SLC25A21: variants seen among roughly 807,000 people sequenced by gnomAD.
SLC25A21 encodes the protein mitochondrial 2-oxodicarboxylate carrier.
A neutral mutation model predicts 43.8 loss-of-function variants in SLC25A21; 47 were observed. The ratio of observed to expected loss-of-function variants is 1.07; its 90% confidence interval spans 0.85 to 1.37. SLC25A21 has a LOEUF of 1.37. Among genes scored for constraint, SLC25A21 ranks in the 40% most tolerant of loss-of-function variants. The pLI, the probability that SLC25A21 is intolerant of heterozygous loss-of-function variation, is 0.00. For missense variants in SLC25A21, 352 were observed against 350.2 expected (o/e 1.00, Z -0.04); for synonymous variants, 131 against 121.3 (o/e 1.08, Z -0.52).
In SLC25A21 at chr14:36,836,093, T is replaced by C. The variant is rs377321928; in HGVS notation, c.120-22092A>G. On this transcript the variant is annotated intron_variant, in intron 2 of 9. Transcript: ENST00000331299. Reference sequence around the variant, plus strand: ...TCCACCGTACAGTGTGGGGCAAAGATAATTTAACAGGTATGAAGAATATGC... The same window carrying C: ...TCCACCGTACAGTGTGGGGCAAAGACAATTTAACAGGTATGAAGAATATGC... Among the ~76,000 whole-genome samples the C allele has an allele frequency of 1.2e-4, 18 of 152,350 alleles. No homozygotes were observed. In the East Asian group the frequency reaches 2.3e-3, roughly 20 times the overall value.
intron 1 of SLC25A21, 28 bp downstream of exon 1, chr14:37,172,253 C>T (rs1964145506): frequency 1.9e-6 from 3 of 1,568,838 alleles, no homozygotes; most frequent in South Asian, 1.2e-5. Flanking sequence ...CGACTAGCCT[C>T]CGGCGGGGCA....
intron 6 of SLC25A21, among the ~76,000 whole-genome samples, chr14:36,721,841 A>T (rs999643929): frequency 1.3e-5 from 2 of 152,346 alleles, no homozygotes; most frequent in African/African-American, 4.8e-5. Context: ...ACTTTTCTTT[A>T]AACTGTTCTA....
chr14:36,981,816 AC>A (rs1356723208), intron 1 of SLC25A21, among the ~76,000 whole-genome samples: 1 of 152,216 alleles, frequency 6.6e-6, no homozygotes, highest in Non-Finnish European at 1.5e-5. Flanking sequence ...GTGCACATGT[AC>A]CCTAGAACTT....
intron 5 of SLC25A21, among the ~76,000 whole-genome samples, chr14:36,728,347 A>G (rs996565183): frequency 2.6e-5 from 4 of 152,238 alleles, no homozygotes; most frequent in African/African-American, 9.6e-5. Flanking sequence ...AATGTTTGAC[A>G]CAAGAACAGC....
chr14:36,919,589 T>C (rs1168012731), intron 1 of SLC25A21, among the ~76,000 whole-genome samples: 1 of 151,734 alleles, frequency 6.6e-6, no homozygotes, highest in Non-Finnish European at 1.5e-5. Flanking sequence ...TACATCAATC[T>C]AAAGACTTGA....
chr14:37,132,244 T>C (rs571621389), intron 1 of SLC25A21, among the ~76,000 whole-genome samples: 2 of 152,232 alleles, frequency 1.3e-5, no homozygotes, highest in Non-Finnish European at 2.9e-5. Context: ...AACATTGTTG[T>C]ATTGGGGATT....
At chr14:36,807,375 A>C (rs1323722802) in intron 3 of SLC25A21, among the ~76,000 whole-genome samples, 1 of 152,086 alleles carries the variant, frequency 6.6e-6, no homozygotes, top group Non-Finnish European at 1.5e-5. Flanking sequence ...GGGAGAGAAA[A>C]AGCAGCAGCA....
At chr14:36,957,301 C>T (rs1160697835) in intron 1 of SLC25A21, among the ~76,000 whole-genome samples, 1 of 151,508 alleles carries the variant, frequency 6.6e-6, no homozygotes, top group African/African-American at 2.4e-5. Context: ...GAAGAGCGGC[C>T]TTAATCAGCA....
At chr14:37,006,607 C>A (rs146864337) in intron 1 of SLC25A21, among the ~76,000 whole-genome samples, 3 of 151,996 alleles carry the variant, frequency 2.0e-5, no homozygotes, top group Non-Finnish European at 4.4e-5. Flanking sequence ...TCATACTGCC[C>A]GATCTATCAA....
intron 1 of SLC25A21, among the ~76,000 whole-genome samples, chr14:37,082,750 A>G (rs1962413121): frequency 6.6e-6 from 1 of 152,182 alleles, no homozygotes; most frequent in Admixed American, 6.5e-5. Context: ...CAGATCTAAT[A>G]TTAGCAGATC....
At position 36,819,462 on chromosome 14, in the gene SLC25A21, C is replaced by T. The variant is rs1276865705; in HGVS notation, c.120-5461G>A. On this transcript the variant is annotated intron_variant, in intron 2 of 9. Transcript: ENST00000331299. ...TCTTCATTGTGTGCTCAGTGATATT[C>T]TATTTTAAACTAGTCTGTGACTCAG... is the stretch of plus-strand genomic sequence containing the variant. Among the ~76,000 whole-genome samples the T allele has an allele frequency of 2.0e-5, 3 of 152,046 alleles. No homozygotes were observed. The East Asian group carries it at 5.8e-4, about 29-fold the overall frequency.
chr14:37,171,533 C>T (rs1212761912), intron 1 of SLC25A21, among the ~76,000 whole-genome samples: 1 of 152,000 alleles, frequency 6.6e-6, no homozygotes, highest in African/African-American at 2.4e-5. Context: ...AAATGCATGA[C>T]TGTAAGATAA....
intron 1 of SLC25A21, among the ~76,000 whole-genome samples, chr14:36,936,679 C>A (rs897804369): frequency 2.0e-5 from 3 of 152,122 alleles, no homozygotes; most frequent in Non-Finnish European, 4.4e-5. Context: ...AGCAGGAATG[C>A]CAAGAACGGT....
chr14:36,953,364 T>C (rs1267618998), intron 1 of SLC25A21, among the ~76,000 whole-genome samples: 1 of 152,162 alleles, frequency 6.6e-6, no homozygotes. Context: ...ACAGATGATA[T>C]TAATAAAATT....
At chr14:36,728,486 A>G (rs1270458115) in intron 5 of SLC25A21, among the ~76,000 whole-genome samples, 2 of 152,174 alleles carry the variant, frequency 1.3e-5, no homozygotes, top group Non-Finnish European at 2.9e-5. Context: ...AAAGGAAAAA[A>G]TCCCAGCTAG....
At chr14:37,022,896 C>T (rs1170473025) in intron 1 of SLC25A21, among the ~76,000 whole-genome samples, 1 of 151,996 alleles carries the variant, frequency 6.6e-6, no homozygotes, top group African/African-American at 2.4e-5. Flanking sequence ...CAACATTTCC[C>T]TTTTAGTATA....
At chr14:36,811,701 T>C (rs1274132621) in intron 3 of SLC25A21, among the ~76,000 whole-genome samples, 1 of 152,128 alleles carries the variant, frequency 6.6e-6, no homozygotes, top group Non-Finnish European at 1.5e-5. Context: ...GCATTTCCAA[T>C]TAGTGAGTAA....
intron 1 of SLC25A21, among the ~76,000 whole-genome samples, chr14:37,075,531 A>G (rs759814996): frequency 6.6e-6 from 1 of 152,194 alleles, no homozygotes; most frequent in African/African-American, 2.4e-5. Context: ...AACAGTGTAC[A>G]TAGAGTGACG....
intron 1 of SLC25A21, among the ~76,000 whole-genome samples, chr14:36,884,456 A>C (rs771622733): frequency 1.3e-5 from 2 of 152,146 alleles, no homozygotes; most frequent in Non-Finnish European, 2.9e-5. Context: ...TTATCTCTTC[A>C]ATATACCTAT....
Sources: gnomAD v4.1 joint callset for allele counts (sites outside exome capture counted in the v4.1 genomes callset) on GRCh38, gnomAD v4.1.1 for gene constraint, MANE v1.5 for transcripts, NCBI Gene and HGNC (gene_info 2026-07-23, HGNC 2026-07-21) for gene names.